QSOX1: variants seen among roughly 807,000 people sequenced by gnomAD.
QSOX1 encodes sulfhydryl oxidase 1.
A neutral mutation model predicts 76.1 loss-of-function variants in QSOX1; 40 were observed. That is an observed-to-expected ratio of 0.53 (90% CI 0.41 to 0.68). The LOEUF is 0.68. QSOX1 is among the 30% of genes least tolerant of loss of function. The probability of loss-of-function intolerance (pLI) is 0.00; values close to 1 mark genes in which losing one functional copy is unlikely to be tolerated. For synonymous variants in QSOX1, 392 were observed against 413.1 expected (o/e 0.95, Z 0.62); for missense variants, 931 against 974.3 (o/e 0.96, Z 0.59).
In QSOX1 at chr1:180,198,512, C is replaced by G. The variant is rs1471213381; in HGVS notation, c.*1475C>G. ...AGGAGCCTCAATCCGATTTGGTTTT[C>G]TCTTTGACATCTTCACTCTGCTCAG... On this transcript the variant is annotated 3_prime_UTR_variant, in exon 12 of 12. Coordinates refer to ENST00000367602, the MANE Select transcript of QSOX1 (RefSeq NM_002826.5). 2.4e-6 allele frequency: 1 copy of G among 412,944 alleles called. No individual in the cohort carries two copies. Among genetic ancestry groups the G allele is most frequent in the Non-Finnish European group, 5.0e-6 (1 of 199,500 alleles). The allele number at this position is 412,944 out of a possible 1,614,324, so 25.6% of individuals were successfully genotyped here. A position where few individuals can be genotyped will look rare whatever the true frequency, so the allele number is the denominator to read the frequency against.
rs1465846236 is a variant in QSOX1, at chr1:180,197,064, G to A, written c.*27G>A. The A allele has an allele frequency of 1.3e-6, 2 of 1,581,964 alleles. No homozygotes were observed. Among genetic ancestry groups the A allele is most frequent in the East Asian group, 2.2e-5 (1 of 44,466 alleles). ...CCACCTGGGGAGGAGGCGGGAGAGGGAGCTGCCATCTCTAGGCACCTCAAG... is the reference window on the plus strand; with the variant it reads ...CCACCTGGGGAGGAGGCGGGAGAGGAAGCTGCCATCTCTAGGCACCTCAAG... On this transcript the variant is annotated 3_prime_UTR_variant, in exon 12 of 12. Coordinates refer to ENST00000367602, the MANE Select transcript of QSOX1 (RefSeq NM_002826.5).
At chr1:180,161,564 A>G (rs749318169) in intron 1 of QSOX1, among the ~76,000 whole-genome samples, 7 of 152,256 alleles carry the variant, frequency 4.6e-5, no homozygotes, top group Non-Finnish European at 1.0e-4. Context: ...ATATTCACAA[A>G]TAGTTTCTGA....
chr1:180,182,446 A>C lies in QSOX1; in HGVS notation c.752+127A>C. 4 of 1,314,420 alleles carry C rather than the reference A, an allele frequency of 3.0e-6. No homozygotes were observed. In the South Asian group the frequency reaches 5.4e-5, roughly 18 times the overall value. 81.4% of individuals were successfully genotyped at this position (1,314,420 alleles called of 1,614,324 possible). A position where few individuals can be genotyped will look rare whatever the true frequency, so the allele number is the denominator to read the frequency against. On this transcript the variant is annotated intron_variant, in intron 6 of 11. Transcript: ENST00000367602. Reference sequence around the variant, plus strand: ...CTTTCTGAAGAGCCCCCTCAGGAGAAGCTGCAGTCTGCTGTCTGCGGGGCC... The same window carrying C: ...CTTTCTGAAGAGCCCCCTCAGGAGACGCTGCAGTCTGCTGTCTGCGGGGCC...
At position 180,197,204 on chromosome 1, in the gene QSOX1, A is replaced by C; in HGVS notation, c.*167A>C. On this transcript the variant is annotated 3_prime_UTR_variant, in exon 12 of 12. Coordinates refer to ENST00000367602, the MANE Select transcript of QSOX1 (RefSeq NM_002826.5). The stretch of plus-strand genomic sequence containing the variant: ...AAGCTTCTTGGGGTTGCTAGGACAG[A>C]GAGCTCCTTTGACACAAAAGACAGG... The C allele has an allele frequency of 6.4e-7, 1 of 1,557,006 alleles. No homozygotes were observed. The highest frequency in any genetic ancestry group is 8.7e-7 in the Non-Finnish European group (1 of 1,155,948).
rs1204428749 is a variant in QSOX1, at chr1:180,200,686, AC to A, written c.*3650del. 6.6e-6 allele frequency: 1 copy of A among 152,072 alleles called. No individual in the cohort carries two copies. The highest frequency in any genetic ancestry group is 1.5e-5 in the Non-Finnish European group (1 of 68,008). 9.4% of individuals were successfully genotyped at this position (152,072 alleles called of 1,614,324 possible). Reference sequence around the variant, plus strand: ...GATTAAGAAACATCCTATCCCCTTTACTCCCACCAAAATAAATACATTTGCC... The same window carrying A: ...GATTAAGAAACATCCTATCCCCTTTATCCCACCAAAATAAATACATTTGCC... On this transcript the variant is annotated 3_prime_UTR_variant, in exon 12 of 12. Coordinates refer to ENST00000367602, the MANE Select transcript of QSOX1 (RefSeq NM_002826.5).
intron 1 of QSOX1, among the ~76,000 whole-genome samples, chr1:180,158,242 A>G (rs1425057375): frequency 2.0e-5 from 3 of 152,220 alleles, no homozygotes; most frequent in African/African-American, 7.2e-5. Flanking sequence ...TCCAGGTGGA[A>G]AAACAGCATG....
At chr1:180,171,398 G>T (rs1662756475) in intron 2 of QSOX1, among the ~76,000 whole-genome samples, 1 of 151,820 alleles carries the variant, frequency 6.6e-6, no homozygotes, top group South Asian at 2.1e-4. Context: ...GTAAACACAA[G>T]TGGCAAAGCA....
At chr1:180,170,420 A>G (rs1392094815) in intron 2 of QSOX1, among the ~76,000 whole-genome samples, 3 of 152,178 alleles carry the variant, frequency 2.0e-5, no homozygotes, top group Non-Finnish European at 4.4e-5. Context: ...TTAAAACGTT[A>G]TAAAAGCTGG....
chr1:180,187,044 G>A (rs2149240493), intron 8 of QSOX1, among the ~76,000 whole-genome samples: 1 of 152,340 alleles, frequency 6.6e-6, no homozygotes, highest in South Asian at 2.1e-4. Flanking sequence ...TTGGCCCTGG[G>A]GCCCGGATCT....
rs189700076 is a variant in QSOX1 at position 180,200,628 on chromosome 1, A to G, written c.*3591A>G. 2.0e-5 allele frequency: 3 copies of G among 152,358 alleles called. No individual in the cohort carries two copies. The highest frequency in any genetic ancestry group is 2.9e-5 in the Non-Finnish European group (2 of 68,024). The allele number at this position is 152,358 out of a possible 1,614,324, so 9.4% of individuals were successfully genotyped here. ...CATTTAAATCTCATTTAATCCTCCA[A>G]CAACGCAAGATGAAGAAGCTGAGGC... On this transcript the variant is annotated 3_prime_UTR_variant, in exon 12 of 12. Transcript: ENST00000367602.
intron 2 of QSOX1, among the ~76,000 whole-genome samples, chr1:180,168,708 A>G (rs575903068): frequency 1.3e-5 from 2 of 151,990 alleles, no homozygotes; most frequent in African/African-American, 4.8e-5. Flanking sequence ...AAATACATTG[A>G]TTTGACAGCT....
intron 5 of QSOX1, among the ~76,000 whole-genome samples, chr1:180,179,197 C>T (rs1662970210): frequency 6.6e-6 from 1 of 152,210 alleles, no homozygotes; most frequent in African/African-American, 2.4e-5. Context: ...AATAGCATGC[C>T]CAAGATCACA....
In QSOX1 at chr1:180,185,155, T is replaced by C. The variant is rs116696500; in HGVS notation, c.888-898T>C. 2.6e-3 allele frequency among the ~76,000 whole-genome samples: 401 copies of C among 152,218 alleles called. 1 individual carries two copies. Among genetic ancestry groups the C allele is most frequent in the African/African-American group, 9.2e-3 (384 of 41,514 alleles). On this transcript the variant is annotated intron_variant, in intron 7 of 11. Coordinates refer to ENST00000367602, the MANE Select transcript of QSOX1 (RefSeq NM_002826.5). ...GGAGACCTTGCCCTGAGGAGGAGCA[T>C]AGGCAGCCACAATGCGTACCCCATT...
rs1158772806 is a variant in QSOX1 at position 180,183,979 on chromosome 1, G to A, written c.816G>A (p.Glu272=). The A allele has an allele frequency of 6.2e-7, 1 of 1,614,034 alleles. No homozygotes were observed. ...AGAGACTCTCTGGGCTCACCAGGGA[G>A]GCTGCCCAGACCACAGTTGCACCAA... ...YLQRLSGLTR[E]AAQTTVAPTT... The change falls in exon 7 of 12, where the codon GAG becomes GAA. Residue 272 remains glutamate (E), a synonymous_variant. Transcript: ENST00000367602.
chr1:180,166,338 G>A (rs1015398436), intron 1 of QSOX1, among the ~76,000 whole-genome samples, 153 bp from the exon 2 acceptor site: 2 of 152,242 alleles, frequency 1.3e-5, no homozygotes, highest in African/African-American at 4.8e-5. Context: ...TATCTCAGAG[G>A]TCCTTTTCCA....
Position 180,202,636 on chromosome 1 carries a change from A to G in QSOX1, c.*5599A>G, listed in dbSNP as rs940708272. 6.7e-6 allele frequency: 1 copy of G among 150,258 alleles called. No individual in the cohort carries two copies. The highest frequency in any genetic ancestry group is 2.4e-5 in the African/African-American group (1 of 41,036). The allele number at this position is 150,258 out of a possible 1,614,324, so 9.3% of individuals were successfully genotyped here. A position where few individuals can be genotyped will look rare whatever the true frequency, so the allele number is the denominator to read the frequency against. Reference sequence around the variant, plus strand: ...TCAGGTAAGATCTCACCTTCATACCATATACCAAAATACATCTCAGTAGAT... The same window carrying G: ...TCAGGTAAGATCTCACCTTCATACCGTATACCAAAATACATCTCAGTAGAT... On this transcript the variant is annotated 3_prime_UTR_variant, in exon 12 of 12. Coordinates refer to ENST00000367602, the MANE Select transcript of QSOX1 (RefSeq NM_002826.5).
chr1:180,165,678 C>T (rs930802566), intron 1 of QSOX1, among the ~76,000 whole-genome samples: 1 of 152,248 alleles, frequency 6.6e-6, no homozygotes, highest in African/African-American at 2.4e-5. Flanking sequence ...CTGTGCGCAC[C>T]TTGGCTTCCA....
intron 10 of QSOX1, 72 bp downstream of exon 10, chr1:180,190,652 G>A: frequency 2.1e-6 from 3 of 1,436,284 alleles, no homozygotes; most frequent in South Asian, 2.6e-5. Flanking sequence ...GGGAGAGGGG[G>A]CAGGGAAGCT....
In QSOX1 at chr1:180,179,448, A is replaced by G. The variant is rs142871540; in HGVS notation, c.606+564A>G. ...TTCCAGCTGCAGTGCCCTGTCTAGA[A>G]AGCAGGGATGATTACGTTTCTCCGT... On this transcript the variant is annotated intron_variant, in intron 5 of 11. Coordinates refer to ENST00000367602, the MANE Select transcript of QSOX1 (RefSeq NM_002826.5). 2.0e-5 allele frequency among the ~76,000 whole-genome samples: 3 copies of G among 152,358 alleles called. No individual in the cohort carries two copies. In the East Asian group the frequency reaches 5.8e-4, roughly 29 times the overall value.
Sources: gnomAD v4.1 joint callset for allele counts (sites outside exome capture counted in the v4.1 genomes callset) on GRCh38, gnomAD v4.1.1 for gene constraint, MANE v1.5 for transcripts, NCBI Gene and HGNC (gene_info 2026-07-23, HGNC 2026-07-21) for gene names.